Variants in RAPGEF6 observed in about 807,000 individuals in gnomAD.
RAPGEF6 encodes the protein Rap guanine nucleotide exchange factor 6.
In RAPGEF6, 56 loss-of-function variants were observed where a neutral mutation model predicts 171.4. That is an observed-to-expected ratio of 0.33 (90% CI 0.26 to 0.41). The LOEUF (loss-of-function observed/expected upper bound fraction) is 0.41, where lower values mean the gene tolerates loss of function less well. RAPGEF6 is among the 10% of genes least tolerant of loss of function. The pLI is 1.00. For missense variants in RAPGEF6, 1,674 were observed against 1,921.4 expected, an observed-to-expected ratio of 0.87 and a Z score of 2.41; for synonymous variants, 692 against 650.1, an observed-to-expected ratio of 1.06 and a Z score of -0.98.
At chr5:131,517,181 T>A (rs905006228) in intron 7 of RAPGEF6, among the ~76,000 whole-genome samples, 2 of 152,182 alleles carry the variant, frequency 1.3e-5, no homozygotes, top group African/African-American at 4.8e-5. Flanking sequence ...ACTATCTGGG[T>A]GATGGGATCA....
Position 131,461,914 on chromosome 5 carries a change from G to T in RAPGEF6, c.2655C>A (p.Ile885=). ...TGGAATTTAACTTAAAAAGGTCATC[G>T]ATGTACTCAGTCGGTTCAATATTAC... ...LFRNIEPTEY[I]DDLFKLNSKT... Residue 885 remains isoleucine (I), a synonymous_variant, in exon 19 of 28, where the codon ATC becomes ATA. Coordinates refer to ENST00000509018, the MANE Select transcript of RAPGEF6 (RefSeq NM_016340.6). 6.2e-7 allele frequency: 1 copy of T among 1,614,038 alleles called. No individual in the cohort carries two copies.
chr5:131,540,550 C>T lies in RAPGEF6; in HGVS notation c.495+7497G>A, dbSNP rs182298158. ...GCATTTCACAGCTTGGGCAACAGAG[C>T]GAGACCCTGTCTCAAAAGCAACAAC... On this transcript the variant is annotated intron_variant, in intron 6 of 27. Coordinates refer to ENST00000509018, the MANE Select transcript of RAPGEF6 (RefSeq NM_016340.6). Among the ~76,000 whole-genome samples the T allele has an allele frequency of 4.3e-3, 654 of 152,208 alleles. 2 individuals carry two copies. The highest frequency in any genetic ancestry group is 6.0e-3 in the South Asian group (29 of 4,830).
chr5:131,574,273 T>C (rs1762472960), intron 4 of RAPGEF6, among the ~76,000 whole-genome samples: 1 of 152,176 alleles, frequency 6.6e-6, no homozygotes, highest in African/African-American at 2.4e-5. Context: ...CTAAAGCTCC[T>C]GGAGCTCAAA....
intron 6 of RAPGEF6, among the ~76,000 whole-genome samples, chr5:131,526,223 A>T (rs549058838): frequency 5.3e-5 from 8 of 152,070 alleles, no homozygotes; most frequent in Non-Finnish European, 1.2e-4. Context: ...AATTCCCTCA[A>T]CCTCCTTACA....
At chr5:131,480,868 AT>A (rs747080341) in intron 15 of RAPGEF6, among the ~76,000 whole-genome samples, 74 of 152,132 alleles carry the variant, frequency 4.9e-4, no homozygotes, top group Admixed American at 1.3e-3. Flanking sequence ...TGCTAAAAAA[AT>A]ATCCACTTCA....
At position 131,505,402 on chromosome 5, in the gene RAPGEF6, T is replaced by C. The variant is rs557928031; in HGVS notation, c.1063A>G (p.Met355Val). The stretch of plus-strand genomic sequence containing the variant: ...ACTTTAGTCCTGACAATTCCATGCA[T>C]GTACTGCTTATCCAGAGTGGGAGTA... ...GITPTLDKQYMHGIVRTKVDD... is the reference protein window; with the variant it reads ...GITPTLDKQYVHGIVRTKVDD... The change falls in exon 10 of 28, where the codon ATG becomes GTG. Residue 355 changes from methionine (M) to valine (V), a missense_variant. Around this residue, in one of 3 missense-constraint regions of RAPGEF6, gnomAD observed 1,116 missense variants for 1,321.5 expected, o/e 0.84. Coordinates refer to ENST00000509018, the MANE Select transcript of RAPGEF6 (RefSeq NM_016340.6). 2 of 1,613,692 alleles carry C rather than the reference T, an allele frequency of 1.2e-6. No homozygotes were observed. Among genetic ancestry groups the C allele is most frequent in the South Asian group, 2.2e-5 (2 of 91,080 alleles).
chr5:131,486,645 T>A (rs1284425032), intron 15 of RAPGEF6, among the ~76,000 whole-genome samples: 1 of 152,230 alleles, frequency 6.6e-6, no homozygotes, highest in East Asian at 1.9e-4. Flanking sequence ...CAAACAAATG[T>A]TTTTGTCTGT....
In RAPGEF6 at chr5:131,436,041, A is replaced by C. The variant is rs1234894851; in HGVS notation, c.3746-2383T>G. ...CTTGGCTATTTGAATTGAAGATGGC[A>C]CTCCCTTTCTCATCTTTGATGTTGC... is the stretch of plus-strand genomic sequence containing the variant. On this transcript the variant is annotated intron_variant, in intron 24 of 27. Transcript: ENST00000509018. 6.5e-6 allele frequency: 10 copies of C among 1,536,564 alleles called. No individual in the cohort carries two copies. In the East Asian group the frequency reaches 2.4e-4, roughly 37 times the overall value.
intron 15 of RAPGEF6, among the ~76,000 whole-genome samples, chr5:131,486,721 G>C (rs543336594): frequency 7.1e-6 from 1 of 140,884 alleles, no homozygotes; most frequent in African/African-American, 2.6e-5. Flanking sequence ...TGTTTCAAGG[G>C]ATAAATTTTT....
In RAPGEF6 at chr5:131,485,337, G is replaced by A. The variant is rs576767939; in HGVS notation, c.1840+4209C>T. Among the ~76,000 whole-genome samples the A allele has an allele frequency of 2.6e-5, 4 of 152,220 alleles. No homozygotes were observed. In the South Asian group the frequency reaches 8.3e-4, roughly 32 times the overall value. ...AGACTGCCAGCTGTTTTCTTCTCTG[G>A]GTGCATTTGCTAAATCTAAACATGA... On this transcript the variant is annotated intron_variant, in intron 15 of 27. Coordinates refer to ENST00000509018, the MANE Select transcript of RAPGEF6 (RefSeq NM_016340.6).
At position 131,548,523 on chromosome 5, in the gene RAPGEF6, G is replaced by A. The variant is rs1360065014; in HGVS notation, c.352-333C>T. Among the ~76,000 whole-genome samples the A allele has an allele frequency of 4.6e-5, 7 of 152,210 alleles. No individual in the cohort carries two copies. In the South Asian group the frequency reaches 1.2e-3, roughly 27 times the overall value. ...ACTTGAGTTCCTCTAATTACAAACT[G>A]CCTGATTATACACATATTTTACTTA... On this transcript the variant is annotated intron_variant, in intron 5 of 27. Transcript: ENST00000509018.
intron 21 of RAPGEF6, among the ~76,000 whole-genome samples, chr5:131,448,249 G>A (rs572023021): frequency 1.3e-5 from 2 of 152,224 alleles, no homozygotes; most frequent in Admixed American, 6.5e-5. Context: ...CGTTTCAGAA[G>A]ATTCATATTT....
At chr5:131,595,494 C>T (rs546799515) in intron 3 of RAPGEF6, among the ~76,000 whole-genome samples, 2 of 152,232 alleles carry the variant, frequency 1.3e-5, no homozygotes, top group African/African-American at 2.4e-5. Flanking sequence ...AGTTAATTTG[C>T]TATCAGCTTA....
chr5:131,465,531 C>CA (rs1317301528), intron 17 of RAPGEF6, among the ~76,000 whole-genome samples: 5 of 152,076 alleles, frequency 3.3e-5, no homozygotes, highest in African/African-American at 1.2e-4. Context: ...CCTGTAATCC[C>CA]AGGACTTTGG....
rs1441831169 is a variant in RAPGEF6 at position 131,479,758 on chromosome 5, G to A, written c.1841-5C>T. 5.6e-6 allele frequency: 9 copies of A among 1,600,656 alleles called. No individual in the cohort carries two copies. The highest frequency in any genetic ancestry group is 2.3e-5 in the South Asian group (2 of 88,430). The stretch of plus-strand genomic sequence containing the variant: ...TAAAAAGTAACTCTTTGAACACTGT[G>A]GAAATAAAACAAATGCGTCATTTTA... On this transcript the variant is annotated splice_polypyrimidine_tract_variant and splice_region_variant and intron_variant, in intron 15 of 27. Transcript: ENST00000509018.
intron 3 of RAPGEF6, among the ~76,000 whole-genome samples, chr5:131,595,637 G>C (rs2150006771): frequency 6.6e-6 from 1 of 151,718 alleles, no homozygotes; most frequent in South Asian, 2.1e-4. Flanking sequence ...CCACAGAGAT[G>C]AACAAGAGAG....
chr5:131,551,566 A>C (rs548664383), intron 5 of RAPGEF6, among the ~76,000 whole-genome samples: 1 of 151,900 alleles, frequency 6.6e-6, no homozygotes, highest in East Asian at 1.9e-4. Context: ...AGGACTCAAA[A>C]CCCAAGTGTG....
At chr5:131,614,640 C>T (rs555547327) in intron 1 of RAPGEF6, among the ~76,000 whole-genome samples, 118 of 152,302 alleles carry the variant, frequency 7.7e-4, no homozygotes, top group African/African-American at 2.5e-3. Flanking sequence ...TACAATTCAA[C>T]GTGAGATTTG....
chr5:131,450,033 G>T, intron 21 of RAPGEF6: 1 of 1,543,564 alleles, frequency 6.5e-7, no homozygotes, highest in Non-Finnish European at 8.7e-7. Context: ...CCCAGACTCC[G>T]CCACCTCTTC....
Sources: gnomAD v4.1 joint callset for allele counts (sites outside exome capture counted in the v4.1 genomes callset) on GRCh38, gnomAD v4.1.1 for gene constraint, gnomAD v4.1.1 regional missense constraint, MANE v1.5 for transcripts, NCBI Gene and HGNC (gene_info 2026-07-23, HGNC 2026-07-21) for gene names.